KIF26A: variants seen among roughly 807,000 people sequenced by gnomAD.
The protein encoded by KIF26A is kinesin family member 26A, also known as kinesin-like protein KIF26A.
In KIF26A, 74 loss-of-function variants were observed where a neutral mutation model predicts 126.0. The ratio of observed to expected loss-of-function variants is 0.59; its 90% CI spans 0.49 to 0.71. The LOEUF is 0.71. Among genes scored for constraint, KIF26A ranks in the 30% least tolerant of loss-of-function variants. KIF26A has a pLI of 0.00. For synonymous variants in KIF26A, 1,445 were observed against 1,232.7 expected (o/e 1.17, Z -3.61); for missense variants, 2,984 against 2,763.3 (o/e 1.08, Z -1.79).
intron 4 of KIF26A, among the ~76,000 whole-genome samples, chr14:104,158,758 C>T (rs1416892306): frequency 6.6e-6 from 1 of 152,262 alleles, no homozygotes; most frequent in South Asian, 2.1e-4. Flanking sequence ...GGGGAGTTGG[C>T]ATGGAGGGGC....
Position 104,167,765 on chromosome 14 carries a change from C to T in KIF26A, c.1113+717C>T, listed in dbSNP as rs144877931. On this transcript the variant is annotated intron_variant, in intron 5 of 14. Coordinates refer to ENST00000423312, the MANE Select transcript of KIF26A (RefSeq NM_015656.2). ...GGAGGGTGGGAAGCCAGTCACACAG[C>T]TCTGTGTGTGCCCCCGGTGGCTTTT... is the stretch of plus-strand genomic sequence containing the variant. Among the ~76,000 whole-genome samples the T allele has an allele frequency of 2.3e-3, 346 of 152,298 alleles. 1 individual carries two copies. Among genetic ancestry groups the T allele is most frequent in the African/African-American group, 8.0e-3 (332 of 41,566 alleles).
At chr14:104,171,195 G>A (rs1368371661) in intron 5 of KIF26A, among the ~76,000 whole-genome samples, 1 of 152,258 alleles carries the variant, frequency 6.6e-6, no homozygotes, top group African/African-American at 2.4e-5. Flanking sequence ...GCCAGGGTTC[G>A]GTTCCCTCAG....
intron 6 of KIF26A, 136 bp downstream of exon 6, chr14:104,172,071 G>A (rs1313589109): frequency 9.6e-6 from 8 of 830,752 alleles, no homozygotes; most frequent in Non-Finnish European, 1.5e-5. Context: ...TGCCTGCGGC[G>A]CCTGCCTGCT....
At position 104,148,915 on chromosome 14, in the gene KIF26A, C is replaced by T. The variant is rs1284296244; in HGVS notation, c.289-3100C>T. Among the ~76,000 whole-genome samples the T allele has an allele frequency of 6.6e-6, 1 of 152,172 alleles. No homozygotes were observed. The highest frequency in any genetic ancestry group is 6.5e-5 in the Admixed American group (1 of 15,286). ...GTGCCGAGTTCTCCTCTTGTCTTAG[C>T]TGGACAGTGTGCTGGGCCCCAGGCT... On this transcript the variant is annotated intron_variant, in intron 2 of 14. Coordinates refer to ENST00000423312, the MANE Select transcript of KIF26A (RefSeq NM_015656.2). This position sits in a 1 kb window ranked among gnomAD's most constrained non-coding sequence, Gnocchi z 4.3.
At chr14:104,143,690 G>A (rs1259974493) in intron 2 of KIF26A, among the ~76,000 whole-genome samples, 1 of 152,260 alleles carries the variant, frequency 6.6e-6, no homozygotes, top group Non-Finnish European at 1.5e-5. Flanking sequence ...TGTGGTCAGA[G>A]CCCCTGGGCC....
intron 4 of KIF26A, among the ~76,000 whole-genome samples, chr14:104,164,779 CTGTG>C (rs777170063): frequency 9.7e-4 from 146 of 151,182 alleles, no homozygotes; most frequent in Admixed American, 2.2e-3. Context: ...GTGTGCATCT[CTGTG>C]TGTGTGTCTG....
chr14:104,179,521 G>A (rs972377366), intron 14 of KIF26A, 88 bp from the exon 15 acceptor site: 7 of 1,435,030 alleles, frequency 4.9e-6, no homozygotes, highest in Admixed American at 2.6e-5. Context: ...GGGCCAAGAT[G>A]CCTTTCCTGG....
Position 104,176,071 on chromosome 14 carries a change from C to G in KIF26A, c.3283C>G (p.Pro1095Ala), listed in dbSNP as rs543336524. ...AYTSQAPEGG[P>A]LEGAAWAGSS... is the part of the protein sequence containing the mutation. The stretch of plus-strand genomic sequence containing the variant: ...CACCTCTCAGGCCCCTGAGGGGGGG[C>G]CCCTGGAGGGGGCAGCCTGGGCCGG... Residue 1095 changes from proline (P) to alanine (A), a missense_variant, in exon 12 of 15, where the codon CCC becomes GCC. Physicochemically the swap from Pro to Ala is conservative, Grantham distance 27 (BLOSUM62 -1). Coordinates refer to ENST00000423312, the MANE Select transcript of KIF26A (RefSeq NM_015656.2). 25 of 1,595,392 alleles carry G rather than the reference C, an allele frequency of 1.6e-5. No homozygotes were observed. In the East Asian group the frequency reaches 2.5e-4, roughly 16 times the overall value.
Position 104,180,024 on chromosome 14 carries a change from C to A in KIF26A, c.*234C>A. The A allele has an allele frequency of 2.2e-6, 1 of 450,996 alleles. No individual in the cohort carries two copies. Among genetic ancestry groups the A allele is most frequent in the South Asian group, 5.6e-5 (1 of 17,980 alleles). 27.9% of individuals were successfully genotyped at this position (450,996 alleles called of 1,614,324 possible). On this transcript the variant is annotated 3_prime_UTR_variant, in exon 15 of 15. Coordinates refer to ENST00000423312, the MANE Select transcript of KIF26A (RefSeq NM_015656.2). ...CACCACCCGACAGCAACGCAAGTGC[C>A]TTTGACCTTGATTTGGACTTTTCTC...
chr14:104,170,027 C>T (rs1179542652), intron 5 of KIF26A, among the ~76,000 whole-genome samples: 2 of 152,196 alleles, frequency 1.3e-5, no homozygotes, highest in African/African-American at 2.4e-5. Context: ...TGGGGAGGCC[C>T]ACACCCCCCT....
At position 104,172,622 on chromosome 14, in the gene KIF26A, C is replaced by T. The variant is rs1160493554; in HGVS notation, c.1374C>T (p.Val458=). 3 of 1,613,230 alleles carry T rather than the reference C, an allele frequency of 1.9e-6. No individual in the cohort carries two copies. The highest frequency in any genetic ancestry group is 2.2e-5 in the East Asian group (1 of 44,872). ...TGGCCGACGTGCTCCAGTCGGTGGT[C>T]AGTGGGGCTGATGGCTGCATTTTTT... ...GTVADVLQSV[V]SGADGCIFSF... is the part of the protein sequence containing the mutation. Residue 458 remains valine (V), a synonymous_variant, in exon 7 of 15, where the codon GTC becomes GTT. Coordinates refer to ENST00000423312, the MANE Select transcript of KIF26A (RefSeq NM_015656.2).
chr14:104,171,786 T>C lies in KIF26A; in HGVS notation c.1177T>C (p.Phe393Leu). 1 of 1,575,636 alleles carries C rather than the reference T, an allele frequency of 6.3e-7. No individual in the cohort carries two copies. Among genetic ancestry groups the C allele is most frequent in the Non-Finnish European group, 8.6e-7 (1 of 1,161,576 alleles). ...CCAGCGCTCGGCCGAGGCCATGTCC[T>C]TCCTGAAGGTGGACCCTCGGAAGAA... ...GAQRSAEAMS[F>L]LKVDPRKKQV... Residue 393 changes from phenylalanine to leucine, a missense_variant, in exon 6 of 15, where the codon TTC becomes CTC. Physicochemically the swap from Phe to Leu is conservative, Grantham distance 22. Transcript: ENST00000423312.
chr14:104,176,333 C>T lies in KIF26A; in HGVS notation c.3545C>T (p.Ala1182Val), dbSNP rs777750238. 9 of 1,584,406 alleles carry T rather than the reference C, an allele frequency of 5.7e-6. No individual in the cohort carries two copies. Among genetic ancestry groups the T allele is most frequent in the Middle Eastern group, 1.7e-4 (1 of 5,992 alleles). ...TWGPCPGEVA[A>V]VAPSRPGREP... ...GGTCCGTGCCCTGGGGAAGTGGCTGCAGTGGCCCCATCCCGACCCGGCAGG... is the reference window on the plus strand; with the variant it reads ...GGTCCGTGCCCTGGGGAAGTGGCTGTAGTGGCCCCATCCCGACCCGGCAGG... The change falls in exon 12 of 15, where the codon GCA (alanine) becomes GTA (valine). Residue 1182 changes from alanine (A) to valine (V), a missense_variant. Transcript: ENST00000423312.
intron 5 of KIF26A, among the ~76,000 whole-genome samples, chr14:104,168,174 T>G (rs539752771): frequency 2.0e-4 from 30 of 152,292 alleles, no homozygotes; most frequent in Non-Finnish European, 2.9e-4. Context: ...TGGGATTTTG[T>G]TAGAGCTCGG....
chr14:104,178,104 C>A (rs959061150), intron 12 of KIF26A, among the ~76,000 whole-genome samples: 2 of 152,244 alleles, frequency 1.3e-5, no homozygotes, highest in Non-Finnish European at 1.5e-5. Flanking sequence ...AGTTTATAAA[C>A]CCCCTGTACT....
chr14:104,155,973 C>G (rs2037773077), intron 3 of KIF26A, among the ~76,000 whole-genome samples: 2 of 152,220 alleles, frequency 1.3e-5, no homozygotes, highest in South Asian at 4.1e-4. Flanking sequence ...TGGTGCCTCA[C>G]TGGACACTGT....
rs755181580 is a variant in KIF26A at position 104,152,449 on chromosome 14, G to C, written c.723G>C (p.Pro241=). The C allele has an allele frequency of 1.9e-6, 3 of 1,575,092 alleles. No individual in the cohort carries two copies. In the East Asian group the frequency reaches 7.0e-5, roughly 37 times the overall value. ...WSVSRVNSFL[P]PACLAEAAVA... ...TCTCGCGGGTCAACAGCTTCCTCCC[G>C]CCGGCGTGCCTGGTGAGTGTCTTGC... The change falls in exon 3 of 15, where the codon CCG becomes CCC. Residue 241 remains proline, a synonymous_variant. Coordinates refer to ENST00000423312, the MANE Select transcript of KIF26A (RefSeq NM_015656.2). The surrounding 1 kb of genome is among the most constrained non-coding windows in gnomAD (Gnocchi z 5.9).
rs746550217 is a variant in KIF26A, at chr14:104,174,286, C to T, written c.2169C>T (p.His723=). Residue 723 remains histidine (H), a synonymous_variant, in exon 11 of 15, where the codon CAC becomes CAT. Transcript: ENST00000423312. ...CCGTGCAGCTCGCCGCCCGCATCCA[C>T]CGCCTGCGCAGGAAGAAGGCCAAGG... ...LSTVQLAARI[H]RLRRKKAKYA... The T allele has an allele frequency of 4.5e-6, 7 of 1,556,858 alleles. No homozygotes were observed. The highest frequency in any genetic ancestry group is 4.1e-5 in the African/African-American group (3 of 72,816).
chr14:104,177,162 TC>T lies in KIF26A; in HGVS notation c.4378del (p.Arg1460GlyfsTer44). The T allele has an allele frequency of 6.3e-7, 1 of 1,596,886 alleles. No individual in the cohort carries two copies. Among genetic ancestry groups the T allele is most frequent in the Non-Finnish European group, 8.5e-7 (1 of 1,178,906 alleles). On this transcript the variant is annotated frameshift_variant, in exon 12 of 15. Coordinates refer to ENST00000423312, the MANE Select transcript of KIF26A (RefSeq NM_015656.2). LOFTEE classifies it high-confidence loss of function. Reference protein sequence around the residue: ...SKGREAPGRPPRAVPKLGVPP... With the variant: ...SKGREAPGRPXRAVPKLGVPP... ...AGGGCCGGGAAGCCCCTGGGCGGCC[TC>T]CCCGGGCTGTACCCAAGCTGGGTGT...
Sources: gnomAD v4.1 joint callset for allele counts (sites outside exome capture counted in the v4.1 genomes callset) on GRCh38, gnomAD v4.1.1 for gene constraint, Gnocchi (gnomAD v3.1) non-coding constraint, MANE v1.5 for transcripts, NCBI Gene and HGNC (gene_info 2026-07-23, HGNC 2026-07-21) for gene names.